Variants in UBE2Q2 observed in about 807,000 individuals in gnomAD.
UBE2Q2 encodes the protein ubiquitin-conjugating enzyme E2 Q2.
A neutral mutation model predicts 59.9 loss-of-function variants in UBE2Q2; 54 were observed. The ratio of observed to expected loss-of-function variants is 0.90; its 90% CI spans 0.72 to 1.13. The LOEUF (loss-of-function observed/expected upper bound fraction) is 1.13, where lower values mean the gene tolerates loss of function less well. UBE2Q2 is among the 50% of genes most tolerant of loss of function. UBE2Q2 has a pLI of 0.00. For synonymous variants in UBE2Q2, 165 were observed against 155.2 expected (o/e 1.06, Z -0.47); for missense variants, 433 against 441.9 (o/e 0.98, Z 0.18).
intron 6 of UBE2Q2, among the ~76,000 whole-genome samples, chr15:75,877,359 C>T (rs906831023): frequency 2.0e-5 from 3 of 151,850 alleles, no homozygotes; most frequent in African/African-American, 4.8e-5. Flanking sequence ...GGTGTCCTTA[C>T]GGTTTTTTGT....
chr15:75,870,587 G>C (rs1374681276), intron 4 of UBE2Q2, among the ~76,000 whole-genome samples: 1 of 152,140 alleles, frequency 6.6e-6, no homozygotes, highest in Non-Finnish European at 1.5e-5. Flanking sequence ...ACAAGGGGCC[G>C]CAACATGGAG....
chr15:75,845,978 GC>G (rs1896324511), intron 1 of UBE2Q2, among the ~76,000 whole-genome samples: 1 of 152,216 alleles, frequency 6.6e-6, no homozygotes, highest in South Asian at 2.1e-4. Context: ...AAATTGACTT[GC>G]TAGTGAAATA....
intron 1 of UBE2Q2, chr15:75,844,137 C>T: frequency 7.0e-7 from 1 of 1,421,420 alleles, no homozygotes; most frequent in South Asian, 1.5e-5. Context: ...TCCGCGGCGG[C>T]CCAAGCCCTT....
intron 9 of UBE2Q2, among the ~76,000 whole-genome samples, chr15:75,887,644 CAG>C (rs901709581): frequency 2.7e-5 from 4 of 149,118 alleles, no homozygotes; most frequent in African/African-American, 7.5e-5. Flanking sequence ...GGTTGAGGAA[CAG>C]GGGAGTGACA....
At chr15:75,898,057 C>T (rs1899529326) in intron 12 of UBE2Q2, among the ~76,000 whole-genome samples, 1 of 152,082 alleles carries the variant, frequency 6.6e-6, no homozygotes, top group Non-Finnish European at 1.5e-5. Flanking sequence ...AAAATTAGAT[C>T]CAAAGAAACC....
intron 1 of UBE2Q2, 169 bp downstream of exon 1, chr15:75,844,015 C>T: frequency 7.1e-7 from 1 of 1,409,182 alleles, no homozygotes; most frequent in Non-Finnish European, 9.2e-7. Flanking sequence ...TGGGACTGCG[C>T]GAGGCTTGGG....
chr15:75,877,630 C>T (rs771439049), intron 6 of UBE2Q2, among the ~76,000 whole-genome samples: 2 of 152,104 alleles, frequency 1.3e-5, no homozygotes, highest in Non-Finnish European at 1.5e-5. Context: ...AAACAACATA[C>T]GTAGAAGGAT....
rs200224674 is a variant in UBE2Q2 at position 75,891,523 on chromosome 15, TTAA to T, written c.1029+513_1029+515del. Among the ~76,000 whole-genome samples the T allele has an allele frequency of 2.0e-5, 3 of 152,010 alleles. No individual in the cohort carries two copies. The East Asian group carries it at 5.8e-4, about 29-fold the overall frequency. ...AAATCTTTTTATTAACTCAATCCTCTTAATAACTTAAAAAATAGGTGCTATTAT... is the reference window on the plus strand; with the variant it reads ...AAATCTTTTTATTAACTCAATCCTCTTAACTTAAAAAATAGGTGCTATTAT... On this transcript the variant is annotated intron_variant, in intron 11 of 12. Coordinates refer to ENST00000267938, the MANE Select transcript of UBE2Q2 (RefSeq NM_173469.4).
rs1368143825 is a variant in UBE2Q2, at chr15:75,844,043, C to T, written c.180+197C>T. 6 of 1,406,512 alleles carry T rather than the reference C, an allele frequency of 4.3e-6. No homozygotes were observed. In the African/African-American group the frequency reaches 7.5e-5, roughly 18 times the overall value. The allele number at this position is 1,406,512 out of a possible 1,614,324, so 87.1% of individuals were successfully genotyped here. A position where few individuals can be genotyped will look rare whatever the true frequency, so the allele number is the denominator to read the frequency against. On this transcript the variant is annotated intron_variant, in intron 1 of 12. Transcript: ENST00000267938. The stretch of plus-strand genomic sequence containing the variant: ...GGCTTGGGTGGGAGGAGGCGGAGGG[C>T]GCGTCTTTCCGGCTTCTCGCCAGGG...
chr15:75,893,916 C>G (rs1899249435), intron 11 of UBE2Q2, among the ~76,000 whole-genome samples: 2 of 152,168 alleles, frequency 1.3e-5, no homozygotes, highest in African/African-American at 4.8e-5. Context: ...TCCTCTCCCT[C>G]CCTCTTCCTG....
intron 2 of UBE2Q2, among the ~76,000 whole-genome samples, chr15:75,858,707 G>T (rs1424617177): frequency 6.6e-6 from 1 of 152,154 alleles, no homozygotes; most frequent in Non-Finnish European, 1.5e-5. Flanking sequence ...AGCCCCTTCC[G>T]TGCCAGAGGC....
At chr15:75,870,726 C>T (rs1398243685) in intron 4 of UBE2Q2, among the ~76,000 whole-genome samples, 3 of 152,050 alleles carry the variant, frequency 2.0e-5, no homozygotes, top group Non-Finnish European at 2.9e-5. Flanking sequence ...TGTTTGAGTT[C>T]ATTGGATACT....
At chr15:75,850,509 A>G (rs1341708378) in intron 1 of UBE2Q2, among the ~76,000 whole-genome samples, 1 of 152,228 alleles carries the variant, frequency 6.6e-6, no homozygotes, top group African/African-American at 2.4e-5. Flanking sequence ...AGCTTCAGGG[A>G]AAACCCAGAT....
At chr15:75,857,437 C>A (rs1896976453) in intron 2 of UBE2Q2, among the ~76,000 whole-genome samples, 1 of 152,138 alleles carries the variant, frequency 6.6e-6, no homozygotes, top group South Asian at 2.1e-4. Context: ...AAGGAGAAAA[C>A]AACTCACCTC....
chr15:75,862,358 T>C (rs1897242952), intron 3 of UBE2Q2, among the ~76,000 whole-genome samples: 1 of 152,136 alleles, frequency 6.6e-6, no homozygotes, highest in South Asian at 2.1e-4. Flanking sequence ...TTGATACTCT[T>C]TGGCCCTCTC....
chr15:75,867,282 A>G (rs1031651105), intron 3 of UBE2Q2, among the ~76,000 whole-genome samples: 3 of 152,226 alleles, frequency 2.0e-5, no homozygotes. Flanking sequence ...GGGTTCCTAT[A>G]TAGGAGAGTG....
chr15:75,897,060 T>C lies in UBE2Q2; in HGVS notation c.1095T>C (p.Asn365=), dbSNP rs1336011967. The change falls in exon 12 of 13, where the codon AAT becomes AAC. Residue 365 remains asparagine (N), a splice_region_variant and synonymous_variant. Coordinates refer to ENST00000267938, the MANE Select transcript of UBE2Q2 (RefSeq NM_173469.4). ...CCATTGTACAGATACATGAGAAAAA[T>C]GGTATGTTTAATTCAATAAGTGTTT... ...YNSIVQIHEK[N]GWYTPPKEDG The C allele has an allele frequency of 6.4e-7, 1 of 1,552,436 alleles. No individual in the cohort carries two copies. The highest frequency in any genetic ancestry group is 8.8e-7 in the Non-Finnish European group (1 of 1,142,540).
chr15:75,895,696 G>A (rs1034562178), intron 11 of UBE2Q2, among the ~76,000 whole-genome samples: 2 of 152,020 alleles, frequency 1.3e-5, no homozygotes, highest in Non-Finnish European at 1.5e-5. Flanking sequence ...TATACTGGGA[G>A]TCCATCTAGT....
intron 3 of UBE2Q2, among the ~76,000 whole-genome samples, chr15:75,865,843 G>A (rs1897440726): frequency 6.6e-6 from 1 of 150,694 alleles, no homozygotes; most frequent in Non-Finnish European, 1.5e-5. Flanking sequence ...TTAAAGGGAT[G>A]TGCATGGAGA....
Sources: allele counts gnomAD v4.1 joint callset (sites outside exome capture counted in the v4.1 genomes callset), GRCh38; gene constraint gnomAD v4.1.1; transcripts MANE v1.5; gene names NCBI Gene and HGNC (gene_info 2026-07-23, HGNC 2026-07-21).